ANKS1A: variants seen among roughly 807,000 people sequenced by gnomAD.
ANKS1A encodes the protein ankyrin repeat and sterile alpha motif domain containing 1A.
A neutral mutation model predicts 120.3 loss-of-function variants in ANKS1A; 55 were observed. That is an observed-to-expected ratio of 0.46 (90% confidence interval 0.37 to 0.57). The LOEUF (loss-of-function observed/expected upper bound fraction) is 0.57. Among genes scored for constraint, ANKS1A ranks in the 20% least tolerant of loss-of-function variants. The pLI is 0.00. For missense variants in ANKS1A, 1,123 were observed against 1,480.3 expected, an observed-to-expected ratio of 0.76 and a Z score of 3.96; for synonymous variants, 590 against 604.7, an observed-to-expected ratio of 0.98 and a Z score of 0.36.
At chr6:34,990,382 C>A (rs1384869519) in intron 9 of ANKS1A, among the ~76,000 whole-genome samples, 1 of 152,070 alleles carries the variant, frequency 6.6e-6, no homozygotes, top group Non-Finnish European at 1.5e-5. Flanking sequence ...AGATTTGCAG[C>A]CTGTTATTAC....
chr6:35,070,850 G>A (rs907110822), intron 13 of ANKS1A: 25 of 590,696 alleles, frequency 4.2e-5, no homozygotes, highest in South Asian at 1.6e-4. Context: ...GTGTGTGCGC[G>A]CCAAAGATTT....
chr6:34,989,630 T>C (rs1050323909), intron 9 of ANKS1A, among the ~76,000 whole-genome samples: 3 of 152,230 alleles, frequency 2.0e-5, no homozygotes, highest in Admixed American at 2.0e-4. Context: ...ATACAAGATG[T>C]AGAGCTTCCC....
At chr6:35,075,108 G>A (rs982190533) in intron 13 of ANKS1A, among the ~76,000 whole-genome samples, 8 of 152,128 alleles carry the variant, frequency 5.3e-5, no homozygotes, top group Non-Finnish European at 2.9e-5. Flanking sequence ...TTGCTGCCAG[G>A]GCAAAAATAA....
intron 1 of ANKS1A, among the ~76,000 whole-genome samples, chr6:34,958,031 G>C (rs576139019): frequency 6.6e-6 from 1 of 152,284 alleles, no homozygotes; most frequent in East Asian, 1.9e-4. Context: ...AAGTTATTTG[G>C]TGTGTAACCA....
Position 35,082,061 on chromosome 6 carries a change from A to G in ANKS1A, c.2710-630A>G, listed in dbSNP as rs1243770998. ...TCCAGCAATTCCGGTTGCTGTTGAG[A>G]GGCTCTGCGCACTGCTGGGAAGGGA... is the stretch of plus-strand genomic sequence containing the variant. On this transcript the variant is annotated intron_variant, in intron 17 of 23. Coordinates refer to ENST00000360359, the MANE Select transcript of ANKS1A (RefSeq NM_015245.3). This position sits in a 1 kb window ranked among gnomAD's most constrained non-coding sequence, Gnocchi z 4.1. Among the ~76,000 whole-genome samples the G allele has an allele frequency of 6.6e-6, 1 of 152,108 alleles. No individual in the cohort carries two copies.
chr6:34,891,049 A>G (rs1766796212), intron 1 of ANKS1A, among the ~76,000 whole-genome samples: 1 of 152,212 alleles, frequency 6.6e-6, no homozygotes, highest in Admixed American at 6.5e-5. Context: ...GGTGGATGGT[A>G]TTACTCGCTG....
intron 1 of ANKS1A, among the ~76,000 whole-genome samples, chr6:34,961,086 C>T (rs1437902871): frequency 6.6e-6 from 1 of 152,198 alleles, no homozygotes; most frequent in Non-Finnish European, 1.5e-5. Context: ...TATTGCATTT[C>T]TGCACAATCT....
At position 34,986,253 on chromosome 6, in the gene ANKS1A, C is replaced by T. The variant is rs370839965; in HGVS notation, c.1209+975C>T. 6.6e-5 allele frequency among the ~76,000 whole-genome samples: 10 copies of T among 152,312 alleles called. No individual in the cohort carries two copies. In the East Asian group the frequency reaches 1.7e-3, roughly 26 times the overall value. On this transcript the variant is annotated intron_variant, in intron 8 of 23. Transcript: ENST00000360359. ...TGATAAGGTTGAAACATTGTACCAT[C>T]GCAGGTCAGACAGTCTGTACCTGCT...
At chr6:34,930,016 T>A (rs1284867457) in intron 1 of ANKS1A, among the ~76,000 whole-genome samples, 1 of 152,162 alleles carries the variant, frequency 6.6e-6, no homozygotes, top group African/African-American at 2.4e-5. Context: ...GGGATTTTTC[T>A]TTTTAGTTAT....
intron 1 of ANKS1A, among the ~76,000 whole-genome samples, chr6:34,907,979 T>C (rs1371048836): frequency 6.6e-6 from 1 of 151,982 alleles, no homozygotes; most frequent in Non-Finnish European, 1.5e-5. Context: ...ATTGCTTGAG[T>C]GCAGAAGTAC....
At chr6:34,937,390 A>G (rs988716401) in intron 1 of ANKS1A, among the ~76,000 whole-genome samples, 34 of 151,904 alleles carry the variant, frequency 2.2e-4, no homozygotes, top group African/African-American at 8.0e-4. Context: ...GGGCCCTTGT[A>G]TGATTATTTT....
chr6:34,939,544 A>T (rs1769424519), intron 1 of ANKS1A, among the ~76,000 whole-genome samples: 1 of 152,086 alleles, frequency 6.6e-6, no homozygotes. Context: ...CTTTCAAGTA[A>T]TCGGAAATAA....
Position 35,084,039 on chromosome 6 carries a change from T to G in ANKS1A, c.2995-82T>G, listed in dbSNP as rs1009724451. On this transcript the variant is annotated intron_variant, in intron 20 of 23. Transcript: ENST00000360359. This position sits in a 1 kb window ranked among gnomAD's most constrained non-coding sequence, Gnocchi z 4.8. Reference sequence around the variant, plus strand: ...TGCTCTAGGCTGGGACAGAGAACAGTGACAATGGTAACAGGCTGGGGCAGG... The same window carrying G: ...TGCTCTAGGCTGGGACAGAGAACAGGGACAATGGTAACAGGCTGGGGCAGG... The G allele has an allele frequency of 6.4e-6, 10 of 1,572,522 alleles. No homozygotes were observed. Among genetic ancestry groups the G allele is most frequent in the Non-Finnish European group, 7.8e-6 (9 of 1,153,350 alleles).
chr6:34,953,368 A>G (rs1770184074), intron 1 of ANKS1A, among the ~76,000 whole-genome samples: 2 of 152,222 alleles, frequency 1.3e-5, no homozygotes, highest in Non-Finnish European at 2.9e-5. Flanking sequence ...GTTTTGCTCA[A>G]CACTGAATAT....
chr6:34,933,873 G>A (rs1282049431), intron 1 of ANKS1A, among the ~76,000 whole-genome samples: 4 of 152,196 alleles, frequency 2.6e-5, no homozygotes, highest in Non-Finnish European at 5.9e-5. Context: ...TTATTTGAGA[G>A]TCTTGTGGCT....
Position 34,982,792 on chromosome 6 carries a change from G to T in ANKS1A, c.773G>T (p.Gly258Val). 1 of 1,614,240 alleles carries T rather than the reference G, an allele frequency of 6.2e-7. No individual in the cohort carries two copies. The highest frequency in any genetic ancestry group is 8.5e-7 in the Non-Finnish European group (1 of 1,180,052). ...GSALHEAALF[G>V]KTDVVQILLA... ...GCTTTGCATGAGGCTGCTTTGTTTG[G>T]CAAGACCGATGTGGTGCAAATCCTG... The change falls in exon 5 of 24, where the codon GGC (glycine) becomes GTC (valine). Residue 258 changes from glycine to valine, a missense_variant. Gly to Val is a moderately radical substitution (Grantham distance 109). Transcript: ENST00000360359. This position sits in a 1 kb window ranked among gnomAD's most constrained non-coding sequence, Gnocchi z 4.9.
chr6:34,967,421 C>A, intron 2 of ANKS1A, 102 bp downstream of exon 2: 1 of 1,141,922 alleles, frequency 8.8e-7, no homozygotes, highest in Non-Finnish European at 1.3e-6. Context: ...AGCTTAGTGG[C>A]TCATGCCTGT....
Position 35,079,912 on chromosome 6 carries a change from G to C in ANKS1A, c.2528G>C (p.Arg843Thr), listed in dbSNP as rs1777580826. 1.3e-6 allele frequency: 2 copies of C among 1,557,716 alleles called. No homozygotes were observed. Among genetic ancestry groups the C allele is most frequent in the Non-Finnish European group, 1.7e-6 (2 of 1,150,430 alleles). Residue 843 changes from arginine to threonine, a missense_variant, in exon 16 of 24, where the codon AGA becomes ACA. Transcript: ENST00000360359. The part of the protein sequence containing the change: ...PYEEPPQKPP[R>T]FSQLRCQDLL... ...GAGGAGCCGCCCCAGAAGCCCCCCA[G>C]ATTCTCCCAGCTGAGGGTGAGTCGG...
intron 10 of ANKS1A, chr6:35,005,702 T>A (rs1313639173): frequency 2.3e-6 from 1 of 440,748 alleles, no homozygotes; most frequent in African/African-American, 2.0e-5. Context: ...TTTTTAAAGA[T>A]TTCTGACAAT....
Sources: allele counts gnomAD v4.1 joint callset (sites outside exome capture counted in the v4.1 genomes callset), GRCh38; gene constraint gnomAD v4.1.1; non-coding constraint Gnocchi (gnomAD v3.1); transcripts MANE v1.5; gene names NCBI Gene and HGNC (gene_info 2026-07-23, HGNC 2026-07-21).